Variants in SPATA7 observed in about 807,000 individuals in gnomAD.
SPATA7 encodes spermatogenesis associated 7.
A neutral mutation model predicts 51.8 loss-of-function variants in SPATA7; 43 were observed. The observed-to-expected ratio is 0.83, with a 90% CI of 0.65 to 1.07. SPATA7 has a LOEUF of 1.07. SPATA7 is among the 50% of genes least tolerant of loss of function. SPATA7 has a pLI of 0.00. For missense variants in SPATA7, 683 were observed against 701.3 expected (o/e 0.97, Z 0.30); for synonymous variants, 230 against 252.8 (o/e 0.91, Z 0.86).
chr14:88,439,577 A>G (rs1397368415), downstream of SPATA7, among the ~76,000 whole-genome samples: 2 of 152,214 alleles, frequency 1.3e-5, no homozygotes, highest in Non-Finnish European at 2.9e-5. Context: ...CAACCCAGGT[A>G]TTCTTCTAAA....
At chr14:88,467,776 A>G (rs577440286) in intron 4 of SPATA7, 1 of 194,728 alleles carries the variant, frequency 5.1e-6, no homozygotes, top group East Asian at 1.7e-4. Context: ...TTAGTTTAAG[A>G]TAGAAATCTA....
exon 4 of SPATA7, chr14:88,455,155 C>T: frequency 2.2e-6 from 1 of 450,686 alleles, no homozygotes; most frequent in South Asian, 1.6e-5. Context: ...ATAGAGGTGG[C>T]CACATGAAGA....
At chr14:88,465,901 G>GTAAT (rs1333363161) in intron 4 of SPATA7, 3 of 151,894 alleles carry the variant, frequency 2.0e-5, no homozygotes, top group African/African-American at 7.3e-5. Context: ...ATATTAAACA[G>GTAAT]TAATTTTGCC....
chr14:88,436,878 T>C (rs1170251624), intron 10 of SPATA7, among the ~76,000 whole-genome samples: 1 of 152,176 alleles, frequency 6.6e-6, no homozygotes, highest in African/African-American at 2.4e-5. Flanking sequence ...AGTTTTGTTC[T>C]TTTTACTTAG....
rs763318601 is a variant in SPATA7, at chr14:88,427,664, A to C, written c.880A>C (p.Asn294His). 2 of 1,610,512 alleles carry C rather than the reference A, an allele frequency of 1.2e-6. No homozygotes were observed. The highest frequency in any genetic ancestry group is 1.7e-6 in the Non-Finnish European group (2 of 1,177,188). Reference sequence around the variant, plus strand: ...TGAGTTGGGGACAGCTGAGACTAAAAACATGACAGATTCAGAAATGAACAT... The same window carrying C: ...TGAGTTGGGGACAGCTGAGACTAAACACATGACAGATTCAGAAATGAACAT... ...KSELGTAETKNMTDSEMNIKQ... is the reference protein window; with the variant it reads ...KSELGTAETKHMTDSEMNIKQ... The change falls in exon 7 of 12, where the codon AAC becomes CAC. Residue 294 changes from asparagine (N) to histidine (H), a missense_variant. Asn to His is a moderately conservative substitution (Grantham distance 68). Transcript: ENST00000393545.
Position 88,429,169 on chromosome 14 carries a change from A to C in SPATA7, c.913-179A>C, listed in dbSNP as rs574602903. The C allele has an allele frequency of 2.1e-5, 9 of 421,522 alleles. No individual in the cohort carries two copies. In the Admixed American group the frequency reaches 3.0e-4, roughly 14 times the overall value. The allele number at this position is 421,522 out of a possible 1,614,324, so 26.1% of individuals were successfully genotyped here. A position where few individuals can be genotyped will look rare whatever the true frequency, so the allele number is the denominator to read the frequency against. ...ACAAGAAATAAGTCATTTTATCTTT[A>C]AGTTTAAGAAAAAAGTGCTGGATGG... On this transcript the variant is annotated intron_variant, in intron 7 of 11. Coordinates refer to ENST00000393545, the MANE Select transcript of SPATA7 (RefSeq NM_018418.5).
chr14:88,470,125 A>G, exon 5 of SPATA7: 1 of 1,462,692 alleles, frequency 6.8e-7, no homozygotes, highest in Non-Finnish European at 9.3e-7. Flanking sequence ...CATTCATGGT[A>G]GTACTAAAAA....
chr14:88,451,590 A>G (rs955832810), intron 3 of SPATA7, among the ~76,000 whole-genome samples: 50 of 150,982 alleles, frequency 3.3e-4, no homozygotes, highest in African/African-American at 1.1e-3. Context: ...GCAGTGCCAC[A>G]ATCTCGGCTC....
chr14:88,392,645 G>T (rs1421267823), intron 2 of SPATA7, among the ~76,000 whole-genome samples: 1 of 152,076 alleles, frequency 6.6e-6, no homozygotes, highest in African/African-American at 2.4e-5. Flanking sequence ...TAAAGGTCAG[G>T]GTAGAGAAAT....
At chr14:88,433,751 C>A (rs2077000314) in intron 10 of SPATA7, among the ~76,000 whole-genome samples, 1 of 152,138 alleles carries the variant, frequency 6.6e-6, no homozygotes. Context: ...GAGCACTGAG[C>A]TCTACTTTGT....
At position 88,438,044 on chromosome 14, in the gene SPATA7, A is replaced by G; in HGVS notation, c.1422A>G (p.Leu474=). ...AATACCAAAAGGCTTTGGATATGTT[A>G]TTGTCGGCACCAAAGGATGAGAACG... ...RQQYQKALDM[L]LSAPKDENEI... is the part of the protein sequence containing the mutation. Residue 474 remains leucine (L), a synonymous_variant, in exon 12 of 12, where the codon TTA becomes TTG. Transcript: ENST00000393545. 1.2e-6 allele frequency: 2 copies of G among 1,614,138 alleles called. No individual in the cohort carries two copies. The highest frequency in any genetic ancestry group is 1.7e-6 in the Non-Finnish European group (2 of 1,180,010).
intron 7 of SPATA7, 170 bp downstream of exon 7, chr14:88,427,866 T>G (rs2295135): frequency 0.25 from 137,186 of 555,984 alleles, 17,280 homozygotes; most frequent in East Asian, 0.27. Flanking sequence ...TGGTTATAGC[T>G]CTCTCTGAAT....
At position 88,429,434 on chromosome 14, in the gene SPATA7, G is replaced by A; in HGVS notation, c.999G>A (p.Lys333=). The A allele has an allele frequency of 6.2e-7, 1 of 1,612,226 alleles. No homozygotes were observed. Among genetic ancestry groups the A allele is most frequent in the Non-Finnish European group, 8.5e-7 (1 of 1,178,604 alleles). The part of the protein sequence containing the change: ...EGHDSTWDEI[K]DDALQHSSPR... ...ATGACTCAACATGGGATGAGATTAA[G>A]GATGATGCTCTTCAGCATTCCTCAC... The change falls in exon 8 of 12, where the codon AAG becomes AAA. Residue 333 remains lysine, a synonymous_variant. Coordinates refer to ENST00000393545, the MANE Select transcript of SPATA7 (RefSeq NM_018418.5).
chr14:88,463,570 T>G (rs371828072), intron 4 of SPATA7, among the ~76,000 whole-genome samples: 6 of 152,250 alleles, frequency 3.9e-5, no homozygotes, highest in African/African-American at 1.4e-4. Context: ...TACCACTGCT[T>G]ACCTTTCAGG....
intron 4 of SPATA7, chr14:88,467,854 C>T: frequency 2.8e-6 from 1 of 360,770 alleles, no homozygotes; most frequent in Non-Finnish European, 5.0e-6. Flanking sequence ...CTAGAAAATA[C>T]AATCTCCAAA....
downstream of SPATA7, among the ~76,000 whole-genome samples, chr14:88,457,641 T>A (rs1276824616): frequency 6.6e-6 from 1 of 152,030 alleles, no homozygotes; most frequent in East Asian, 1.9e-4. Context: ...GACGATGGGG[T>A]TTTTTAAATA....
intron 3 of SPATA7, among the ~76,000 whole-genome samples, chr14:88,446,772 G>A (rs2077216322): frequency 6.6e-6 from 1 of 152,158 alleles, no homozygotes; most frequent in Admixed American, 6.5e-5. Context: ...AGGTTGTTCA[G>A]TTTCCATGTA....
downstream of SPATA7, among the ~76,000 whole-genome samples, chr14:88,439,486 T>A (rs1432498398): frequency 6.6e-6 from 1 of 152,242 alleles, no homozygotes; most frequent in East Asian, 1.9e-4. Flanking sequence ...CAAAGTTTCA[T>A]GCCTAGATAC....
chr14:88,424,869 AT>A (rs1488273020), intron 5 of SPATA7, among the ~76,000 whole-genome samples: 1 of 152,202 alleles, frequency 6.6e-6, no homozygotes, highest in African/African-American at 2.4e-5. Context: ...CATATTTTAG[AT>A]AGTAGTCACA....
Sources: allele counts gnomAD v4.1 joint callset (sites outside exome capture counted in the v4.1 genomes callset), GRCh38; gene constraint gnomAD v4.1.1; transcripts MANE v1.5; gene names NCBI Gene and HGNC (gene_info 2026-07-23, HGNC 2026-07-21).